The following GSN variants were observed in gnomAD, a reference collection of about 807,000 sequenced individuals.
GSN encodes the protein gelsolin.
In GSN, 56 loss-of-function variants were observed where a neutral mutation model predicts 85.7. The ratio of observed to expected loss-of-function variants is 0.65; its 90% CI spans 0.53 to 0.82. The LOEUF (loss-of-function observed/expected upper bound fraction) is 0.82, where lower values mean the gene tolerates loss of function less well. Ranked by LOEUF, GSN falls within the 40% of genes least tolerant of loss-of-function variation. The probability of loss-of-function intolerance (pLI) is 0.00; values close to 1 mark genes in which losing one functional copy is unlikely to be tolerated. For synonymous variants in GSN, 373 were observed against 399.1 expected (o/e 0.93, Z 0.78); for missense variants, 857 against 979.8 (o/e 0.87, Z 1.67).
intron 2 of GSN, chr9:121,283,301 CTTT>C (rs56834014): frequency 3.1e-4 from 43 of 140,730 alleles, no homozygotes; most frequent in Middle Eastern, 3.4e-3. Context: ...CTTTCTTTTT[CTTT>C]TTTTTTTTTT....
At chr9:121,258,827 AAGGTT>A (rs1322254209) in intron 6 of GSN, among the ~76,000 whole-genome samples, 1 of 152,196 alleles carries the variant, frequency 6.6e-6, no homozygotes, top group Non-Finnish European at 1.5e-5. Flanking sequence ...TTTCTTCAGA[AAGGTT>A]ACTTGGAATT....
At chr9:121,301,930 G>T (rs1358821464) in intron 2 of GSN, 33 bp from the exon 3 acceptor site, 1 of 1,613,800 alleles carries the variant, frequency 6.2e-7, no homozygotes. Context: ...CCAGGACCCT[G>T]CCCCGCTTAG....
At chr9:121,215,215 A>C (rs1198648607) in intron 4 of GSN, among the ~76,000 whole-genome samples, 339 of 132,256 alleles carry the variant, frequency 2.6e-3, no homozygotes, top group Admixed American at 3.7e-3. Context: ...TGAATTAAGG[A>C]CCCCCCCCCC....
At chr9:121,227,228 T>C (rs2054286517) in intron 4 of GSN, among the ~76,000 whole-genome samples, 3 of 152,092 alleles carry the variant, frequency 2.0e-5, no homozygotes, top group Admixed American at 2.0e-4. Context: ...ACCCCGACTC[T>C]ACTAAAAATA....
rs200156774 is a variant in GSN at position 121,326,538 on chromosome 9, C to T, written c.1443C>T (p.Pro481=). Residue 481 remains proline (P), a synonymous_variant, in exon 13 of 18, where the codon CCC becomes CCT. Coordinates refer to ENST00000432226, the MANE Select transcript of GSN (RefSeq NM_198252.3). ...VQSRVVQGKE[P]AHLMSLFGGK... ...GCCGTGTGGTCCAAGGCAAGGAGCC[C>T]GCCCACCTCATGAGCCTGTTTGGTG... 100 of 1,613,950 alleles carry T rather than the reference C, an allele frequency of 6.2e-5. No homozygotes were observed. In the East Asian group the frequency reaches 9.8e-4, roughly 16 times the overall value.
At chr9:121,330,788 C>T (rs2063799472) in intron 16 of GSN, among the ~76,000 whole-genome samples, 5 of 151,752 alleles carry the variant, frequency 3.3e-5, no homozygotes, top group South Asian at 4.2e-4. Context: ...CCCATTTTGA[C>T]AAAGATGCAC....
At chr9:121,269,833 G>A (rs1392635829) in intron 1 of GSN, among the ~76,000 whole-genome samples, 1 of 152,184 alleles carries the variant, frequency 6.6e-6, no homozygotes, top group African/African-American at 2.4e-5. Context: ...CAGGAGGGGT[G>A]GCTGCAGGGT....
chr9:121,202,766 G>T, the GSN span, among the ~76,000 whole-genome samples: 1 of 152,056 alleles, frequency 6.6e-6, no homozygotes, highest in African/African-American at 2.4e-5. Context: ...TAAACATGAC[G>T]TATCAATATT....
At chr9:121,268,378 C>T (rs1488273010) in intron 1 of GSN, among the ~76,000 whole-genome samples, 159 bp downstream of exon 1, 1 of 152,200 alleles carries the variant, frequency 6.6e-6, no homozygotes, top group Non-Finnish European at 1.5e-5. Context: ...TCACTTTTCC[C>T]GTCTTCCAAG....
chr9:121,268,569 C>T (rs113680057), intron 1 of GSN, among the ~76,000 whole-genome samples: 5 of 152,182 alleles, frequency 3.3e-5, no homozygotes, highest in African/African-American at 1.2e-4. Flanking sequence ...TTGTCTGACC[C>T]GGGCATGCAG....
chr9:121,281,483 C>A lies in GSN; in HGVS notation c.-89C>A. The A allele has an allele frequency of 2.6e-6, 1 of 383,002 alleles. No homozygotes were observed. The highest frequency in any genetic ancestry group is 5.4e-6 in the Non-Finnish European group (1 of 186,032). 23.7% of individuals were successfully genotyped at this position (383,002 alleles called of 1,614,324 possible). A position where few individuals can be genotyped will look rare whatever the true frequency, so the allele number is the denominator to read the frequency against. Reference sequence around the variant, plus strand: ...CTTTGTTTACAGGTAGTGCTCATAGCTCTCTTTGTCCAGTGCTTCGGCCTT... The same window carrying A: ...CTTTGTTTACAGGTAGTGCTCATAGATCTCTTTGTCCAGTGCTTCGGCCTT... On this transcript the variant is annotated 5_prime_UTR_variant, in exon 2 of 18. Coordinates refer to ENST00000432226, the MANE Select transcript of GSN (RefSeq NM_198252.3).
chr9:121,313,374 A>G (rs1297734583), intron 6 of GSN: 2 of 190,894 alleles, frequency 1.0e-5, no homozygotes, highest in African/African-American at 4.7e-5. Flanking sequence ...TTTTGGAGAG[A>G]GCAGAATGGT....
chr9:121,204,173 A>G, upstream of GSN, among the ~76,000 whole-genome samples: 1 of 152,234 alleles, frequency 6.6e-6, no homozygotes, highest in East Asian at 1.9e-4. Flanking sequence ...ATATTTTCTC[A>G]TTTAATCCTT....
intron 4 of GSN, among the ~76,000 whole-genome samples, chr9:121,306,487 A>G (rs773201258): frequency 1.1e-4 from 16 of 147,916 alleles, no homozygotes; most frequent in Non-Finnish European, 2.1e-4. Context: ...CCCTCCCAAC[A>G]TGATTCTCCC....
chr9:121,298,088 G>A (rs547486963), intron 2 of GSN, among the ~76,000 whole-genome samples: 1 of 152,238 alleles, frequency 6.6e-6, no homozygotes, highest in Non-Finnish European at 1.5e-5. Flanking sequence ...GAGAACTCAG[G>A]TATCCCTCTG....
chr9:121,274,690 C>T (rs899749797), intron 1 of GSN, among the ~76,000 whole-genome samples: 1 of 152,028 alleles, frequency 6.6e-6, no homozygotes, highest in Non-Finnish European at 1.5e-5. Context: ...TAGGGGTCAG[C>T]GGATGGAAAA....
intron 4 of GSN, among the ~76,000 whole-genome samples, chr9:121,223,424 C>T (rs1461677857): frequency 6.6e-6 from 1 of 151,936 alleles, no homozygotes; most frequent in Non-Finnish European, 1.5e-5. Context: ...GGGAAAGACC[C>T]CTATAGAATC....
At chr9:121,231,994 G>A (rs1230024400) in intron 5 of GSN, among the ~76,000 whole-genome samples, 2 of 152,172 alleles carry the variant, frequency 1.3e-5, no homozygotes, top group Non-Finnish European at 2.9e-5. Context: ...CTGAACCCAG[G>A]AGGCGGAGGT....
chr9:121,292,695 C>T (rs920241740), intron 2 of GSN, among the ~76,000 whole-genome samples: 1 of 152,196 alleles, frequency 6.6e-6, no homozygotes, highest in African/African-American at 2.4e-5. Context: ...AGATTCATCC[C>T]TGTACATTGC....
Sources: gnomAD v4.1 joint callset for allele counts (sites outside exome capture counted in the v4.1 genomes callset) on GRCh38, gnomAD v4.1.1 for gene constraint, MANE v1.5 for transcripts, NCBI Gene and HGNC (gene_info 2026-07-23, HGNC 2026-07-21) for gene names.